The following RTN3 variants were observed in gnomAD, a reference collection of about 807,000 sequenced individuals.
RTN3 encodes the protein reticulon 3.
A neutral mutation model predicts 77.8 loss-of-function variants in RTN3; 49 were observed. That is an observed-to-expected ratio of 0.63 (90% CI 0.50 to 0.80). RTN3 has a LOEUF of 0.80. Ranked by LOEUF, RTN3 falls within the 30% of genes least tolerant of loss-of-function variation. RTN3 has a pLI of 0.00. For missense variants in RTN3, 1,236 were observed against 1,211.9 expected (o/e 1.02, Z -0.29); for synonymous variants, 464 against 446.9 (o/e 1.04, Z -0.48).
intron 4 of RTN3, among the ~76,000 whole-genome samples, chr11:63,750,824 T>C (rs866386116): frequency 2.0e-5 from 3 of 151,626 alleles, no homozygotes; most frequent in Non-Finnish European, 4.4e-5. Flanking sequence ...CTCCTCCTCC[T>C]GGGTTCATGC....
intron 2 of RTN3, among the ~76,000 whole-genome samples, chr11:63,713,643 G>A (rs1373790424): frequency 6.6e-6 from 1 of 152,070 alleles, no homozygotes; most frequent in Non-Finnish European, 1.5e-5. Flanking sequence ...CTAGATCTAT[G>A]ACTTTATTTG....
rs112033808 is a variant in RTN3 at position 63,752,665 on chromosome 11, C to G, written c.2877+20C>G. ...TTGAAGGTTAGTTGTTTCTGCAGCTCTTGGTGGTAAAACAGAAAAAGCAGG... is the reference window on the plus strand; with the variant it reads ...TTGAAGGTTAGTTGTTTCTGCAGCTGTTGGTGGTAAAACAGAAAAAGCAGG... On this transcript the variant is annotated intron_variant, in intron 5 of 8. Coordinates refer to ENST00000377819, the MANE Select transcript of RTN3 (RefSeq NM_001265589.2). 13 of 1,611,156 alleles carry G rather than the reference C, an allele frequency of 8.1e-6. No individual in the cohort carries two copies. In the African/African-American group the frequency reaches 9.4e-5, roughly 12 times the overall value.
chr11:63,683,050 A>G (rs1941149022), intron 1 of RTN3, among the ~76,000 whole-genome samples: 1 of 152,036 alleles, frequency 6.6e-6, no homozygotes, highest in African/African-American at 2.4e-5. Context: ...TAAAGAAAAA[A>G]TTTCTGATCT....
Position 63,701,053 on chromosome 11 carries a change from G to GCCCT in RTN3, c.143-3795_143-3792dup, listed in dbSNP as rs1942213492. ...TGCAGTGATCCGAGATTGCGCCACT[G>GCCCT]CCCTCCATCCTGGTGACAGAGCGAG... is the stretch of plus-strand genomic sequence containing the variant. On this transcript the variant is annotated intron_variant, in intron 1 of 8. Coordinates refer to ENST00000377819, the MANE Select transcript of RTN3 (RefSeq NM_001265589.2). 2.8e-5 allele frequency among the ~76,000 whole-genome samples: 4 copies of GCCCT among 145,442 alleles called. No individual in the cohort carries two copies. In the South Asian group the frequency reaches 8.7e-4, roughly 32 times the overall value.
At chr11:63,685,582 A>G (rs904639036) in intron 1 of RTN3, among the ~76,000 whole-genome samples, 1 of 151,484 alleles carries the variant, frequency 6.6e-6, no homozygotes, top group Non-Finnish European at 1.5e-5. Context: ...TCTTCATGTC[A>G]CAAAGGAAGT....
At chr11:63,724,778 A>G (rs2012119541) in intron 3 of RTN3, among the ~76,000 whole-genome samples, 2 of 152,148 alleles carry the variant, frequency 1.3e-5, no homozygotes, top group Non-Finnish European at 2.9e-5. Context: ...GGCGTGAGCC[A>G]CGGAACCCAG....
intron 1 of RTN3, among the ~76,000 whole-genome samples, chr11:63,685,364 C>T (rs951047239): frequency 5.3e-5 from 8 of 151,416 alleles, no homozygotes; most frequent in Admixed American, 5.3e-4. Context: ...GGCACAGTGA[C>T]GGGCACCTGT....
chr11:63,719,814 G>C lies in RTN3; in HGVS notation c.1312G>C (p.Gly438Arg). Residue 438 changes from glycine to arginine, a missense_variant, in exon 3 of 9, where the codon GGC becomes CGC. By Grantham distance (125) the Gly-to-Arg change is moderately radical. This residue lies in a region of RTN3 where 1,056 missense variants were observed against 990.4 expected (regional missense o/e 1.07). Transcript: ENST00000377819. ...AGAATTCAGTATCAAAGGTGTGCAA[G>C]GCAATATGCAGAAACAGGATGACAC... Reference protein sequence around the residue: ...TKEFSIKGVQGNMQKQDDTLA... With the variant: ...TKEFSIKGVQRNMQKQDDTLA... 1 of 1,614,158 alleles carries C rather than the reference G, an allele frequency of 6.2e-7. No homozygotes were observed. The highest frequency in any genetic ancestry group is 2.2e-5 in the East Asian group (1 of 44,880).
intron 1 of RTN3, among the ~76,000 whole-genome samples, chr11:63,698,375 T>C (rs1371850374): frequency 1.3e-5 from 2 of 152,052 alleles, no homozygotes; most frequent in East Asian, 3.9e-4. Context: ...ATCCACCTGC[T>C]TTGGCCTCCC....
chr11:63,733,513 A>G (rs555874151), intron 3 of RTN3, among the ~76,000 whole-genome samples: 5 of 151,970 alleles, frequency 3.3e-5, no homozygotes, highest in Middle Eastern at 3.4e-3. Flanking sequence ...TGGATAATCA[A>G]TATAATTCAC....
intron 3 of RTN3, among the ~76,000 whole-genome samples, chr11:63,743,710 T>A (rs1284069729): frequency 6.6e-6 from 1 of 151,224 alleles, no homozygotes; most frequent in Non-Finnish European, 1.5e-5. Flanking sequence ...AGGTCAGGAG[T>A]TGGAGACCAG....
In RTN3 at chr11:63,740,669, C is replaced by G. The variant is rs549067024; in HGVS notation, c.2531-9322C>G. On this transcript the variant is annotated intron_variant, in intron 3 of 8. Coordinates refer to ENST00000377819, the MANE Select transcript of RTN3 (RefSeq NM_001265589.2). Reference sequence around the variant, plus strand: ...TGGTTTCAAACTCTTGGAATTCAAGCGATCCTCCAGCCTCCACTTCCCAAA... The same window carrying G: ...TGGTTTCAAACTCTTGGAATTCAAGGGATCCTCCAGCCTCCACTTCCCAAA... 2.6e-5 allele frequency among the ~76,000 whole-genome samples: 4 copies of G among 151,532 alleles called. No homozygotes were observed. In the South Asian group the frequency reaches 8.3e-4, roughly 32 times the overall value.
At chr11:63,683,925 TTC>T (rs1175262338) in intron 1 of RTN3, among the ~76,000 whole-genome samples, 1 of 150,790 alleles carries the variant, frequency 6.6e-6, no homozygotes, top group Non-Finnish European at 1.5e-5. Flanking sequence ...CGTTATTTCT[TTC>T]TCTTTTCTTT....
intron 2 of RTN3, among the ~76,000 whole-genome samples, chr11:63,712,966 A>G (rs2011207061): frequency 6.6e-6 from 1 of 151,906 alleles, no homozygotes; most frequent in African/African-American, 2.4e-5. Context: ...CTGGTGGCGC[A>G]TGCCTGTAAT....
chr11:63,694,597 G>T (rs952776879), intron 1 of RTN3, among the ~76,000 whole-genome samples: 2 of 151,560 alleles, frequency 1.3e-5, no homozygotes, highest in African/African-American at 4.9e-5. Flanking sequence ...CTCAGCCTCC[G>T]GAGTAGCTAG....
intron 3 of RTN3, among the ~76,000 whole-genome samples, chr11:63,748,435 C>T (rs2013919869): frequency 1.3e-5 from 2 of 151,220 alleles, no homozygotes; most frequent in African/African-American, 4.9e-5. Flanking sequence ...GCAACCTCCG[C>T]CTCCCAGGTT....
In RTN3 at chr11:63,748,661, CT is replaced by C. The variant is rs561644667; in HGVS notation, c.2531-1305del. Among the ~76,000 whole-genome samples the C allele has an allele frequency of 3.9e-3, 412 of 105,922 alleles. 5 individuals carry two copies. Among genetic ancestry groups the C allele is most frequent in the African/African-American group, 6.8e-3 (176 of 25,966 alleles). 69.5% of individuals were successfully genotyped at this position (105,922 alleles called of 152,430 possible). A position where few individuals can be genotyped will look rare whatever the true frequency, so the allele number is the denominator to read the frequency against. On this transcript the variant is annotated intron_variant, in intron 3 of 8. Transcript: ENST00000377819. ...CCCTGCACCCTGCCAGCCCCACTCA[CT>C]TTTTTTTTTTTTTTTTTTTTTTTTA... is the stretch of plus-strand genomic sequence containing the variant.
intron 3 of RTN3, among the ~76,000 whole-genome samples, chr11:63,748,661 CTTTTTTTTTTTT>C (rs561644667): frequency 1.9e-5 from 2 of 105,884 alleles, no homozygotes; most frequent in East Asian, 2.7e-4. Flanking sequence ...GCCCCACTCA[CTTTTTTTTTTTT>C]TTTTTTTTTT....
chr11:63,711,501 C>T (rs1001954204), intron 2 of RTN3, among the ~76,000 whole-genome samples: 3 of 151,636 alleles, frequency 2.0e-5, no homozygotes, highest in African/African-American at 7.3e-5. Context: ...GCAATCCTCC[C>T]ACCTTAGCTT....
Sources: allele counts gnomAD v4.1 joint callset (sites outside exome capture counted in the v4.1 genomes callset), GRCh38; gene constraint gnomAD v4.1.1; regional missense constraint gnomAD v4.1.1; transcripts MANE v1.5; gene names NCBI Gene and HGNC (gene_info 2026-07-23, HGNC 2026-07-21).